RPS6KC1: variants seen among roughly 807,000 people sequenced by gnomAD.
RPS6KC1 encodes ribosomal protein S6 kinase C1.
RPS6KC1 carries 54 observed loss-of-function variants against 103.8 expected under a neutral mutation model. That is an observed-to-expected ratio of 0.52 (90% CI 0.42 to 0.65). The LOEUF is 0.65. Ranked by LOEUF, RPS6KC1 falls within the 30% of genes least tolerant of loss-of-function variation. RPS6KC1 has a pLI of 0.00. For missense variants in RPS6KC1, 1,151 were observed against 1,253.8 expected (o/e 0.92, Z 1.24); for synonymous variants, 439 against 438.7 (o/e 1.00, Z -0.01).
At chr1:213,453,898 A>T in the RPS6KC1 span, among the ~76,000 whole-genome samples, 4 of 152,368 alleles carry the variant, frequency 2.6e-5, no homozygotes, top group African/African-American at 7.2e-5. Flanking sequence ...CAAAAAATAC[A>T]TTGGAAAATT....
the RPS6KC1 span, among the ~76,000 whole-genome samples, chr1:213,777,900 G>A: frequency 2.2e-4 from 33 of 152,254 alleles, no homozygotes; most frequent in Non-Finnish European, 3.2e-4. Context: ...CTTTATGTGC[G>A]TTATCTAACT....
chr1:213,681,900 A>T, the RPS6KC1 span, among the ~76,000 whole-genome samples: 2 of 152,224 alleles, frequency 1.3e-5, no homozygotes, highest in Non-Finnish European at 2.9e-5. Context: ...ATTCAACACA[A>T]GAGTCTCACT....
the RPS6KC1 span, among the ~76,000 whole-genome samples, chr1:213,577,517 T>C: frequency 2.0e-5 from 3 of 152,198 alleles, no homozygotes; most frequent in Non-Finnish European, 4.4e-5. Flanking sequence ...CAGAAGAAGA[T>C]ACGAAGATGT....
the RPS6KC1 span, among the ~76,000 whole-genome samples, chr1:213,679,123 A>T: frequency 2.6e-5 from 4 of 152,206 alleles, no homozygotes; most frequent in Admixed American, 1.3e-4. Context: ...AGGAAGTGAG[A>T]ACTTGCATTT....
the RPS6KC1 span, among the ~76,000 whole-genome samples, chr1:213,455,719 T>C: frequency 3.9e-5 from 6 of 152,190 alleles, no homozygotes; most frequent in Admixed American, 3.9e-4. Context: ...GAGGAAGCCA[T>C]GGAATATAAG....
At chr1:213,758,789 G>C in the RPS6KC1 span, among the ~76,000 whole-genome samples, 1 of 152,266 alleles carries the variant, frequency 6.6e-6, no homozygotes, top group East Asian at 1.9e-4. Flanking sequence ...CTGCAATCTC[G>C]TGGTAAAACT....
the RPS6KC1 span, among the ~76,000 whole-genome samples, chr1:213,445,297 G>T: frequency 2.6e-5 from 4 of 152,298 alleles, no homozygotes; most frequent in African/African-American, 9.6e-5. Context: ...AACATTTCAT[G>T]TACAAGTCTT....
the RPS6KC1 span, among the ~76,000 whole-genome samples, chr1:213,780,237 T>C: frequency 1.3e-5 from 2 of 152,186 alleles, no homozygotes; most frequent in Non-Finnish European, 2.9e-5. Context: ...GCCTGAGGCT[T>C]GACCCCCGGG....
the RPS6KC1 span, among the ~76,000 whole-genome samples, chr1:213,721,795 T>A: frequency 2.0e-5 from 3 of 152,202 alleles, no homozygotes; most frequent in Admixed American, 6.5e-5. Context: ...TGCTTCTAAA[T>A]CCATGGTATG....
chr1:213,572,395 A>T, the RPS6KC1 span, among the ~76,000 whole-genome samples: 5 of 152,366 alleles, frequency 3.3e-5, no homozygotes, highest in South Asian at 1.0e-3. Context: ...TCTCAGAGGA[A>T]ATAACCTGGT....
chr1:213,070,579 G>A (rs1454215861), intron 1 of RPS6KC1, among the ~76,000 whole-genome samples: 1 of 152,168 alleles, frequency 6.6e-6, no homozygotes, highest in Non-Finnish European at 1.5e-5. Flanking sequence ...ACAGAAAAAG[G>A]AAAGTGATGT....
intron 6 of RPS6KC1, among the ~76,000 whole-genome samples, chr1:213,141,122 C>G (rs1156318108): frequency 1.3e-5 from 2 of 152,070 alleles, no homozygotes; most frequent in African/African-American, 4.8e-5. Context: ...GACTCAAACT[C>G]CTGACCTCAG....
chr1:213,465,002 C>G, the RPS6KC1 span, among the ~76,000 whole-genome samples: 1 of 152,052 alleles, frequency 6.6e-6, no homozygotes, highest in Non-Finnish European at 1.5e-5. Flanking sequence ...AAGTCACACC[C>G]CTTTCCAGGG....
At chr1:213,192,219 T>C (rs2092774627) in intron 8 of RPS6KC1, among the ~76,000 whole-genome samples, 1 of 152,246 alleles carries the variant, frequency 6.6e-6, no homozygotes, top group African/African-American at 2.4e-5. Context: ...TGAATCATCC[T>C]TGCTTCCCTG....
chr1:213,641,277 C>T, the RPS6KC1 span, among the ~76,000 whole-genome samples: 1 of 151,574 alleles, frequency 6.6e-6, no homozygotes, highest in East Asian at 1.9e-4. Flanking sequence ...TTGTCTTTTT[C>T]TATATGAGTT....
the RPS6KC1 span, among the ~76,000 whole-genome samples, chr1:213,813,538 C>G: frequency 2.6e-5 from 4 of 152,196 alleles, no homozygotes; most frequent in Non-Finnish European, 5.9e-5. Flanking sequence ...CTAATGCAAG[C>G]CACTCGTTTC....
the RPS6KC1 span, among the ~76,000 whole-genome samples, chr1:213,533,320 A>G: frequency 9.9e-5 from 15 of 152,172 alleles, no homozygotes; most frequent in Admixed American, 2.0e-4. Context: ...CTTTTGAGGA[A>G]CTGAGAGAAA....
intron 8 of RPS6KC1, among the ~76,000 whole-genome samples, chr1:213,196,252 A>G (rs938926072): frequency 1.3e-5 from 2 of 151,776 alleles, no homozygotes; most frequent in Non-Finnish European, 2.9e-5. Context: ...CCATTTTTTC[A>G]TATGTTTGTT....
chr1:213,153,343 A>G (rs1442821033), intron 6 of RPS6KC1, among the ~76,000 whole-genome samples: 2 of 152,106 alleles, frequency 1.3e-5, no homozygotes, highest in East Asian at 3.9e-4. Context: ...GGGCAGAGGC[A>G]GAGGCATTAT....
Sources: allele counts gnomAD v4.1 joint callset (sites outside exome capture counted in the v4.1 genomes callset), GRCh38; gene constraint gnomAD v4.1.1; transcripts MANE v1.5; gene names NCBI Gene and HGNC (gene_info 2026-07-23, HGNC 2026-07-21).